KREMEN1: variants seen among roughly 807,000 people sequenced by gnomAD.
The protein encoded by KREMEN1 is kringle containing transmembrane protein 1.
Under a neutral mutation model 46.5 loss-of-function variants are expected in KREMEN1, and 30 were observed. The ratio of observed to expected loss-of-function variants is 0.65; its 90% confidence interval spans 0.48 to 0.88. KREMEN1 has a LOEUF of 0.88. Ranked by LOEUF, KREMEN1 falls within the 40% of genes least tolerant of loss-of-function variation. KREMEN1 has a pLI of 0.00. For synonymous variants in KREMEN1, 214 were observed against 230.6 expected (o/e 0.93, Z 0.65); for missense variants, 533 against 596.9 (o/e 0.89, Z 1.11).
In KREMEN1 at chr22:29,142,614, C is replaced by G; in HGVS notation, c.*502C>G. On this transcript the variant is annotated 3_prime_UTR_variant, in exon 9 of 9. Coordinates refer to ENST00000400335, the MANE Select transcript of KREMEN1 (RefSeq NM_001039570.3). Reference sequence around the variant, plus strand: ...GGTACTCTTGGGAGTTGGTCCCATACAAGTGCGGACTCCTGGACATTAGCG... The same window carrying G: ...GGTACTCTTGGGAGTTGGTCCCATAGAAGTGCGGACTCCTGGACATTAGCG... 1 of 985,634 alleles carries G rather than the reference C, an allele frequency of 1.0e-6. No individual in the cohort carries two copies. Among genetic ancestry groups the G allele is most frequent in the Non-Finnish European group, 1.2e-6 (1 of 830,086 alleles). 61.1% of individuals were successfully genotyped at this position (985,634 alleles called of 1,614,324 possible). A position where few individuals can be genotyped will look rare whatever the true frequency, so the allele number is the denominator to read the frequency against.
intron 9 of KREMEN1, among the ~76,000 whole-genome samples, chr22:29,160,448 G>T (rs560199684): frequency 3.3e-5 from 5 of 150,912 alleles, no homozygotes; most frequent in Non-Finnish European, 5.9e-5. Context: ...GCTGAGGCAG[G>T]AGAATCACTT....
At chr22:29,086,114 A>G (rs1013831414) in intron 1 of KREMEN1, among the ~76,000 whole-genome samples, 2 of 151,674 alleles carry the variant, frequency 1.3e-5, no homozygotes, top group African/African-American at 2.4e-5. Context: ...ATTTTTAGCC[A>G]TGAGTACTTT....
At chr22:29,080,478 A>G (rs1045350088) in intron 1 of KREMEN1, among the ~76,000 whole-genome samples, 2 of 11,990 alleles carry the variant, frequency 1.7e-4, no homozygotes, top group Non-Finnish European at 1.6e-4. Flanking sequence ...TGCATGGCCA[A>G]TGCAGAGCTT....
In KREMEN1 at chr22:29,143,427, G is replaced by A. The variant is rs1409668693; in HGVS notation, c.*1315G>A. The A allele has an allele frequency of 1.0e-6, 1 of 985,248 alleles. No individual in the cohort carries two copies. Among genetic ancestry groups the A allele is most frequent in the Non-Finnish European group, 1.2e-6 (1 of 829,948 alleles). The allele number at this position is 985,248 out of a possible 1,614,324, so 61.0% of individuals were successfully genotyped here. ...GGGGCCTGTGGTCCTTCCTTCTGGT[G>A]TCCCCCGTGTTAAAAGATAAAAAAC... On this transcript the variant is annotated 3_prime_UTR_variant, in exon 9 of 9. Transcript: ENST00000400335.
At chr22:29,163,929 G>GA (rs1036495085) in intron 9 of KREMEN1, among the ~76,000 whole-genome samples, 38 of 146,930 alleles carry the variant, frequency 2.6e-4, no homozygotes, top group Non-Finnish European at 3.8e-4. Flanking sequence ...AATAAAAGTT[G>GA]AAAAAAAAAA....
At chr22:29,074,046 C>G (rs1204028617) in intron 1 of KREMEN1, among the ~76,000 whole-genome samples, 2 of 152,246 alleles carry the variant, frequency 1.3e-5, no homozygotes, top group Non-Finnish European at 2.9e-5. Flanking sequence ...CGCCTCCCCG[C>G]GCAGAGCAGA....
intron 1 of KREMEN1, among the ~76,000 whole-genome samples, chr22:29,094,042 T>C (rs1432077031): frequency 6.6e-6 from 1 of 152,202 alleles, no homozygotes; most frequent in Non-Finnish European, 1.5e-5. Flanking sequence ...TTCTAGTGTC[T>C]GTAGACAAGC....
chr22:29,093,640 C>T (rs145523435), intron 1 of KREMEN1, among the ~76,000 whole-genome samples: 1 of 152,334 alleles, frequency 6.6e-6, no homozygotes, highest in African/African-American at 2.4e-5. Flanking sequence ...GCCCTTCCTC[C>T]CTCATGTTGA....
intron 3 of KREMEN1, among the ~76,000 whole-genome samples, chr22:29,106,481 G>A (rs2038062316): frequency 6.6e-6 from 1 of 151,368 alleles, no homozygotes; most frequent in Non-Finnish European, 1.5e-5. Flanking sequence ...CGCCCGCCTC[G>A]GCCTCCCAAC....
chr22:29,124,662 T>C (rs959648476), intron 4 of KREMEN1, among the ~76,000 whole-genome samples: 3 of 152,026 alleles, frequency 2.0e-5, no homozygotes, highest in African/African-American at 7.2e-5. Context: ...CTGGCTAATA[T>C]TTGTATTTTT....
Position 29,125,190 on chromosome 22 carries a change from C to T in KREMEN1, c.478-73C>T, listed in dbSNP as rs969582914. ...AGGCTGATTGCTTGCTGGAAGCCCA[C>T]CCTGCCAGGCTCCTTCAGGCCATCT... On this transcript the variant is annotated intron_variant, in intron 4 of 8. Transcript: ENST00000400335. 5.1e-6 allele frequency: 8 copies of T among 1,559,180 alleles called. No individual in the cohort carries two copies. The South Asian group carries it at 5.9e-5, about 11-fold the overall frequency.
chr22:29,128,198 G>A (rs2038476218), intron 5 of KREMEN1, among the ~76,000 whole-genome samples: 2 of 152,148 alleles, frequency 1.3e-5, no homozygotes. Flanking sequence ...GAATACCACT[G>A]ATTCATATAT....
intron 1 of KREMEN1, among the ~76,000 whole-genome samples, chr22:29,093,490 C>T (rs1211905537): frequency 1.3e-5 from 2 of 152,198 alleles, no homozygotes; most frequent in Admixed American, 1.3e-4. Context: ...TCCCCATCCC[C>T]CAAAGTCTGA....
In KREMEN1 at chr22:29,142,513, C is replaced by T; in HGVS notation, c.*401C>T. 1.1e-5 allele frequency: 11 copies of T among 992,644 alleles called. No homozygotes were observed. Among genetic ancestry groups the T allele is most frequent in the Non-Finnish European group, 1.3e-5 (11 of 834,956 alleles). The allele number at this position is 992,644 out of a possible 1,614,324, so 61.5% of individuals were successfully genotyped here. A position where few individuals can be genotyped will look rare whatever the true frequency, so the allele number is the denominator to read the frequency against. ...GTTACATTGAATTTTTCTTGCTTCT[C>T]TATTTTTGTCCACACACAAATCAGT... On this transcript the variant is annotated 3_prime_UTR_variant, in exon 9 of 9. Transcript: ENST00000400335.
intron 3 of KREMEN1, among the ~76,000 whole-genome samples, chr22:29,116,056 C>T: frequency 6.6e-6 from 1 of 152,172 alleles, no homozygotes; most frequent in East Asian, 1.9e-4. Context: ...CTCCATTTAC[C>T]TCACCAGCTG....
At position 29,143,049 on chromosome 22, in the gene KREMEN1, C is replaced by A. The variant is rs1183645594; in HGVS notation, c.*937C>A. ...CCTGTAATCCCAGCTACTCAGAAGG[C>A]TGAGACAGAAGAACAGCTTGAACCC... On this transcript the variant is annotated 3_prime_UTR_variant, in exon 9 of 9. Coordinates refer to ENST00000400335, the MANE Select transcript of KREMEN1 (RefSeq NM_001039570.3). 6.1e-6 allele frequency: 3 copies of A among 493,756 alleles called. No homozygotes were observed. Among genetic ancestry groups the A allele is most frequent in the African/African-American group, 4.2e-5 (2 of 47,734 alleles). 30.6% of individuals were successfully genotyped at this position (493,756 alleles called of 1,614,324 possible).
chr22:29,083,946 A>C (rs1310476496), intron 1 of KREMEN1, among the ~76,000 whole-genome samples: 2 of 152,108 alleles, frequency 1.3e-5, no homozygotes, highest in Non-Finnish European at 2.9e-5. Flanking sequence ...CCCCGAGGGC[A>C]GCTGGTTGGC....
In KREMEN1 at chr22:29,143,772, C is replaced by T. The variant is rs1185472932; in HGVS notation, c.*1660C>T. 8.1e-6 allele frequency: 8 copies of T among 985,466 alleles called. No homozygotes were observed. Among genetic ancestry groups the T allele is most frequent in the Non-Finnish European group, 7.2e-6 (6 of 830,268 alleles). 61.0% of individuals were successfully genotyped at this position (985,466 alleles called of 1,614,324 possible). A position where few individuals can be genotyped will look rare whatever the true frequency, so the allele number is the denominator to read the frequency against. On this transcript the variant is annotated 3_prime_UTR_variant, in exon 9 of 9. Transcript: ENST00000400335. The stretch of plus-strand genomic sequence containing the variant: ...AAAAAAAAACACTCCAAGGGCCATC[C>T]GTGCTCTCTGCCCCTCCTGTGGGGA...
In KREMEN1 at chr22:29,142,222, C is replaced by T. The variant is rs1442046187; in HGVS notation, c.*110C>T. ...GACTCTTCCCCTCCTCTCCCTCTGC[C>T]TCGGCCTCTTCGGGGAAACCCTCCT... On this transcript the variant is annotated 3_prime_UTR_variant, in exon 9 of 9. Transcript: ENST00000400335. The T allele has an allele frequency of 2.8e-6, 4 of 1,407,140 alleles. No individual in the cohort carries two copies. In the African/African-American group the frequency reaches 4.4e-5, roughly 16 times the overall value. The allele number at this position is 1,407,140 out of a possible 1,614,324, so 87.2% of individuals were successfully genotyped here. A position where few individuals can be genotyped will look rare whatever the true frequency, so the allele number is the denominator to read the frequency against.
Sources: allele counts gnomAD v4.1 joint callset (sites outside exome capture counted in the v4.1 genomes callset), GRCh38; gene constraint gnomAD v4.1.1; transcripts MANE v1.5; gene names NCBI Gene and HGNC (gene_info 2026-07-23, HGNC 2026-07-21).